SLC26A5: variants seen among roughly 807,000 people sequenced by gnomAD.
SLC26A5 encodes the protein solute carrier family 26 member 5, also known as prestin.
A neutral mutation model predicts 81.0 loss-of-function variants in SLC26A5; 51 were observed. The ratio of observed to expected loss-of-function variants is 0.63; its 90% CI spans 0.50 to 0.80. The LOEUF is 0.80. SLC26A5 is among the 30% of genes least tolerant of loss of function. The pLI, the probability that SLC26A5 is intolerant of heterozygous loss-of-function variation, is 0.00. For missense variants in SLC26A5, 771 were observed against 905.8 expected (o/e 0.85, Z 1.91); for synonymous variants, 325 against 332.8 (o/e 0.98, Z 0.25).
chr7:103,385,359 C>T (rs1241775318), intron 14 of SLC26A5, among the ~76,000 whole-genome samples: 1 of 152,116 alleles, frequency 6.6e-6, no homozygotes, highest in Non-Finnish European at 1.5e-5. Context: ...TGGTCTCGAT[C>T]TCCTGACCTC....
intron 19 of SLC26A5, chr7:103,361,852 C>G (rs954945689): frequency 3.3e-5 from 37 of 1,110,414 alleles, no homozygotes; most frequent in Non-Finnish European, 4.5e-5. Context: ...TTCTGTAGTT[C>G]TAGTTTATAC....
At chr7:103,406,526 G>A (rs147815225) in intron 8 of SLC26A5, among the ~76,000 whole-genome samples, 2 of 152,210 alleles carry the variant, frequency 1.3e-5, no homozygotes, top group Admixed American at 6.5e-5. Flanking sequence ...GTCTAACCAT[G>A]CCCAATGAGG....
At chr7:103,395,342 T>C (rs985716210) in intron 9 of SLC26A5, among the ~76,000 whole-genome samples, 5 of 98,580 alleles carry the variant, frequency 5.1e-5, no homozygotes, top group Non-Finnish European at 8.9e-5. Flanking sequence ...AAACGTAAGG[T>C]CTTTTTTTTT....
chr7:103,382,599 C>T (rs985723097), intron 14 of SLC26A5, among the ~76,000 whole-genome samples: 9 of 152,058 alleles, frequency 5.9e-5, no homozygotes, highest in African/African-American at 2.2e-4. Flanking sequence ...ATCTACCCAC[C>T]TCGGCCTCCC....
At position 103,421,525 on chromosome 7, in the gene SLC26A5, A is replaced by G; in HGVS notation, c.-11T>C. The stretch of plus-strand genomic sequence containing the variant: ...TTCAGCATGATCCATAGTACTCTGA[A>G]ATTATTCCTTAACAGCCGGAGACAA... On this transcript the variant is annotated 5_prime_UTR_variant, in exon 3 of 20. Coordinates refer to ENST00000306312, the MANE Select transcript of SLC26A5 (RefSeq NM_198999.3). 6.2e-7 allele frequency: 1 copy of G among 1,613,810 alleles called. No homozygotes were observed. Among genetic ancestry groups the G allele is most frequent in the African/African-American group, 1.3e-5 (1 of 75,010 alleles).
chr7:103,404,580 G>T (rs1823875047), intron 8 of SLC26A5, among the ~76,000 whole-genome samples: 1 of 152,174 alleles, frequency 6.6e-6, no homozygotes, highest in Non-Finnish European at 1.5e-5. Flanking sequence ...CCCTTTGTGG[G>T]TAACCCGACC....
downstream of SLC26A5, among the ~76,000 whole-genome samples, chr7:103,371,527 A>C (rs377238888): frequency 1.3e-5 from 2 of 150,692 alleles, no homozygotes; most frequent in African/African-American, 2.4e-5. Context: ...GGGTTTCACC[A>C]TGTTAGCCAG....
At chr7:103,402,393 CTTTTTTT>C (rs541398228) in intron 8 of SLC26A5, among the ~76,000 whole-genome samples, 1 of 124,518 alleles carries the variant, frequency 8.0e-6, no homozygotes, top group Non-Finnish European at 1.7e-5. Flanking sequence ...ACGTATTGCT[CTTTTTTT>C]TTTTTTTTTT....
intron 14 of SLC26A5, among the ~76,000 whole-genome samples, chr7:103,384,126 G>C (rs1187769575): frequency 1.3e-5 from 2 of 151,936 alleles, no homozygotes; most frequent in Non-Finnish European, 2.9e-5. Flanking sequence ...GTAAAACTCT[G>C]TCTCTAAAAA....
At chr7:103,384,606 G>T (rs1417453156) in intron 14 of SLC26A5, among the ~76,000 whole-genome samples, 1 of 150,216 alleles carries the variant, frequency 6.7e-6, no homozygotes, top group African/African-American at 2.5e-5. Flanking sequence ...GACAGAGCAT[G>T]ACTCTGTCTT....
At chr7:103,392,086 G>A (rs1315693173) in intron 10 of SLC26A5, among the ~76,000 whole-genome samples, 1 of 152,166 alleles carries the variant, frequency 6.6e-6, no homozygotes, top group Non-Finnish European at 1.5e-5. Flanking sequence ...AGGACTCTTG[G>A]CATCTTTTTA....
Position 103,377,739 on chromosome 7 carries a change from A to G in SLC26A5, c.1846T>C (p.Tyr616His). Residue 616 changes from tyrosine to histidine, a missense_variant, in exon 18 of 20, where the codon TAT (tyrosine) becomes CAT (histidine). By Grantham distance (83) the Tyr-to-His change is moderately conservative (BLOSUM62 2). Transcript: ENST00000306312. ...GTGCTTTTGATCACTATTGGGGGAT[A>G]TTTTACTTCACCATCCTCTTCTTCA... ...KPEEEDGEVK[Y>H]PPIVIKSTFP... The G allele has an allele frequency of 1.2e-6, 2 of 1,614,088 alleles. No homozygotes were observed. Among genetic ancestry groups the G allele is most frequent in the Non-Finnish European group, 1.7e-6 (2 of 1,180,016 alleles).
intron 2 of SLC26A5, among the ~76,000 whole-genome samples, chr7:103,430,713 G>A (rs1040766140): frequency 1.3e-5 from 2 of 152,350 alleles, no homozygotes; most frequent in South Asian, 2.1e-4. Context: ...AATAAGACAT[G>A]TTCATGGAAT....
chr7:103,355,773 A>G (rs74998067), intron 19 of SLC26A5: 1 of 1,613,594 alleles, frequency 6.2e-7, no homozygotes, highest in Non-Finnish European at 8.5e-7. Flanking sequence ...TCCAGAGTGA[A>G]CAGCCTTTAC....
At chr7:103,417,787 C>T (rs1218125441) in intron 4 of SLC26A5, among the ~76,000 whole-genome samples, 2 of 152,148 alleles carry the variant, frequency 1.3e-5, no homozygotes, top group Non-Finnish European at 2.9e-5. Flanking sequence ...TTGCTCTTGT[C>T]ACCCAGGCTG....
At chr7:103,366,083 G>A in intron 19 of SLC26A5, 1 of 1,611,436 alleles carries the variant, frequency 6.2e-7, no homozygotes, top group Non-Finnish European at 8.5e-7. Flanking sequence ...TAGGGGGCTC[G>A]AATGGTTCGT....
chr7:103,416,165 T>G (rs1824894328), intron 4 of SLC26A5, among the ~76,000 whole-genome samples: 2 of 152,204 alleles, frequency 1.3e-5, no homozygotes, highest in Non-Finnish European at 2.9e-5. Context: ...TACTATAGTT[T>G]TAAAGTTTTT....
chr7:103,405,648 G>C (rs1012164528), intron 8 of SLC26A5, among the ~76,000 whole-genome samples: 2 of 152,208 alleles, frequency 1.3e-5, no homozygotes, highest in African/African-American at 4.8e-5. Context: ...CTCCCAGTCA[G>C]GAGTTACGGG....
intron 19 of SLC26A5, among the ~76,000 whole-genome samples, chr7:103,358,780 T>C (rs1363582429): frequency 1.3e-5 from 2 of 152,184 alleles, no homozygotes; most frequent in African/African-American, 2.4e-5. Context: ...GGGAATTTTC[T>C]TTTTTCTGTA....
Sources: gnomAD v4.1 joint callset for allele counts (sites outside exome capture counted in the v4.1 genomes callset) on GRCh38, gnomAD v4.1.1 for gene constraint, MANE v1.5 for transcripts, NCBI Gene and HGNC (gene_info 2026-07-23, HGNC 2026-07-21) for gene names.